Variants in SPEF2 observed in about 807,000 individuals in gnomAD.
SPEF2 encodes sperm flagellar and cilia associated 2, also known as sperm flagella and cilia-associated protein 2.
Under a neutral mutation model 224.6 loss-of-function variants are expected in SPEF2, and 187 were observed. That is an observed-to-expected ratio of 0.83 (90% confidence interval 0.74 to 0.94). The LOEUF (loss-of-function observed/expected upper bound fraction) is 0.94, where lower values mean the gene tolerates loss of function less well. Among genes scored for constraint, SPEF2 ranks in the 40% least tolerant of loss-of-function variants. The pLI is 0.00. For missense variants in SPEF2, 2,170 were observed against 2,135.6 expected, an observed-to-expected ratio of 1.02 and a Z score of -0.32; for synonymous variants, 715 against 707.3, an observed-to-expected ratio of 1.01 and a Z score of -0.17.
intron 1 of SPEF2, 46 bp from the exon 2 acceptor site, chr5:35,628,414 C>A (rs201579392): frequency 7.0e-6 from 9 of 1,288,280 alleles, no homozygotes; most frequent in African/African-American, 1.5e-5. Context: ...TAGCTCTATG[C>A]GCAACATTGT....
intron 10 of SPEF2, among the ~76,000 whole-genome samples, chr5:35,676,228 C>G (rs1370915565): frequency 4.6e-5 from 7 of 152,104 alleles, no homozygotes; most frequent in Non-Finnish European, 1.0e-4. Context: ...GAAGCCAGCC[C>G]TCTTCCAAGC....
At chr5:35,739,545 A>G (rs1479878043) in intron 21 of SPEF2, among the ~76,000 whole-genome samples, 1 of 152,048 alleles carries the variant, frequency 6.6e-6, no homozygotes, top group Admixed American at 6.6e-5. Context: ...ACACCTGGCT[A>G]ATTTTTTGTA....
chr5:35,793,166 A>G lies in SPEF2; in HGVS notation c.4562A>G (p.Glu1521Gly). The G allele has an allele frequency of 6.2e-7, 1 of 1,613,812 alleles. No homozygotes were observed. The highest frequency in any genetic ancestry group is 8.5e-7 in the Non-Finnish European group (1 of 1,179,848). ...WMHLTQPELQ[E>G]LTSLLTVNSE... ...TTTCCTGTTTTCTTCTAGTTACAGG[A>G]ATTAACATCTTTATTAACAGTCAAC... The change falls in exon 32 of 37, where the codon GAA (glutamate) becomes GGA (glycine). Residue 1521 changes from glutamate to glycine, a missense_variant. Coordinates refer to ENST00000356031, the MANE Select transcript of SPEF2 (RefSeq NM_024867.4).
Position 35,779,416 on chromosome 5 carries a change from C to T in SPEF2, c.4447+70C>T, listed in dbSNP as rs945408530. On this transcript the variant is annotated intron_variant, in intron 30 of 36. Coordinates refer to ENST00000356031, the MANE Select transcript of SPEF2 (RefSeq NM_024867.4). ...GATTAACCAGGACAGAAATCACTTG[C>T]CAACAAGTAAAATCAGCTCTATGGG... The T allele has an allele frequency of 1.2e-5, 15 of 1,204,624 alleles. No homozygotes were observed. The Admixed American group carries it at 2.9e-4, about 24-fold the overall frequency. The allele number at this position is 1,204,624 out of a possible 1,614,324, so 74.6% of individuals were successfully genotyped here.
chr5:35,704,863 G>GAA (rs956993105), intron 17 of SPEF2, among the ~76,000 whole-genome samples: 1 of 151,932 alleles, frequency 6.6e-6, no homozygotes, highest in Non-Finnish European at 1.5e-5. Context: ...TCATTAGTCT[G>GAA]AAAAAAAGAA....
chr5:35,776,298 G>A lies in SPEF2; in HGVS notation c.4120G>A (p.Ala1374Thr). Reference protein sequence around the residue: ...QFRLELIKTKALALLEDLVTK... With the variant: ...QFRLELIKTKTLALLEDLVTK... ...TCGACTTGAACTGATAAAGACAAAA[G>A]CATTGGCTCTTCTTGAAGATTTAGT... Residue 1374 changes from alanine to threonine, a missense_variant, in exon 29 of 37, where the codon GCA becomes ACA. Physicochemically the swap from Ala to Thr is moderately conservative, Grantham distance 58. Coordinates refer to ENST00000356031, the MANE Select transcript of SPEF2 (RefSeq NM_024867.4). 2.5e-6 allele frequency: 4 copies of A among 1,611,962 alleles called. No individual in the cohort carries two copies. The highest frequency in any genetic ancestry group is 3.4e-6 in the Non-Finnish European group (4 of 1,179,182).
At chr5:35,618,151 G>A in intron 1 of SPEF2, 96 bp downstream of exon 1, 2 of 1,361,396 alleles carry the variant, frequency 1.5e-6, no homozygotes, top group Non-Finnish European at 2.1e-6. Flanking sequence ...GGCGGGCAGG[G>A]CGCGAGCTGC....
chr5:35,749,107 G>A (rs1276398005), intron 23 of SPEF2, among the ~76,000 whole-genome samples: 2 of 151,762 alleles, frequency 1.3e-5, no homozygotes, highest in Non-Finnish European at 2.9e-5. Context: ...TGCAGAAAAA[G>A]ATGCATCAAT....
chr5:35,775,905 C>A (rs1753555397), intron 28 of SPEF2, among the ~76,000 whole-genome samples: 1 of 152,088 alleles, frequency 6.6e-6, no homozygotes, highest in African/African-American at 2.4e-5. Context: ...AATGGCAATG[C>A]CACCCCAGGT....
chr5:35,681,795 G>A (rs949448248), intron 10 of SPEF2, among the ~76,000 whole-genome samples: 3 of 152,096 alleles, frequency 2.0e-5, no homozygotes, highest in Admixed American at 6.6e-5. Context: ...AGTCAAAAAT[G>A]TTTGAAAGCC....
intron 23 of SPEF2, among the ~76,000 whole-genome samples, chr5:35,752,438 G>A (rs1395627127): frequency 6.6e-6 from 1 of 151,908 alleles, no homozygotes; most frequent in African/African-American, 2.4e-5. Context: ...ACAGACATGT[G>A]CCACCATGAA....
chr5:35,680,662 G>A (rs952144662), intron 10 of SPEF2, among the ~76,000 whole-genome samples: 3 of 152,134 alleles, frequency 2.0e-5, no homozygotes, highest in African/African-American at 4.8e-5. Flanking sequence ...GTGTGGATAC[G>A]AATAGGAGGT....
chr5:35,754,534 A>G (rs1339121638), intron 24 of SPEF2, among the ~76,000 whole-genome samples: 1 of 152,244 alleles, frequency 6.6e-6, no homozygotes, highest in African/African-American at 2.4e-5. Flanking sequence ...CTAGTCTCAC[A>G]CAAGAACTGG....
At chr5:35,709,969 A>G (rs1040978534) in intron 19 of SPEF2, 1 of 984,200 alleles carries the variant, frequency 1.0e-6, no homozygotes, top group Admixed American at 6.2e-5. Flanking sequence ...TTTCTGCCTC[A>G]CGGAGATTTG....
intron 20 of SPEF2, among the ~76,000 whole-genome samples, chr5:35,724,450 A>G (rs1415872033): frequency 1.3e-5 from 2 of 152,216 alleles, no homozygotes; most frequent in Non-Finnish European, 2.9e-5. Context: ...TCTTAAAATC[A>G]ATGAGCCAAG....
intron 30 of SPEF2, 40 bp from the exon 31 acceptor site, chr5:35,792,300 A>G: frequency 6.6e-7 from 1 of 1,520,966 alleles, no homozygotes; most frequent in African/African-American, 1.4e-5. Flanking sequence ...AAAAACCATC[A>G]CCTAAACCAA....
rs149236770 is a variant in SPEF2, at chr5:35,805,837, A to G, written c.5011-870A>G. On this transcript the variant is annotated intron_variant, in intron 34 of 36. Coordinates refer to ENST00000356031, the MANE Select transcript of SPEF2 (RefSeq NM_024867.4). ...TGTTTTCTGCTTGCTTTTTGCACTTATTCTATCATGAGTGTTTTCTTGTGT... is the reference window on the plus strand; with the variant it reads ...TGTTTTCTGCTTGCTTTTTGCACTTGTTCTATCATGAGTGTTTTCTTGTGT... 2.7e-3 allele frequency among the ~76,000 whole-genome samples: 418 copies of G among 152,156 alleles called. 2 individuals are homozygous for G. The highest frequency in any genetic ancestry group is 4.5e-3 in the Non-Finnish European group (307 of 68,006).
intron 24 of SPEF2, among the ~76,000 whole-genome samples, chr5:35,755,800 C>T (rs181429430): frequency 1.4e-3 from 219 of 152,100 alleles, no homozygotes; most frequent in African/African-American, 5.0e-3. Flanking sequence ...AGTAGAGACA[C>T]GGTTTCACCA....
intron 16 of SPEF2, among the ~76,000 whole-genome samples, chr5:35,701,340 G>A (rs1167538891): frequency 6.6e-6 from 1 of 152,138 alleles, no homozygotes; most frequent in Non-Finnish European, 1.5e-5. Flanking sequence ...GAAGGTATTT[G>A]ACCTTGAGAA....
Sources: gnomAD v4.1 joint callset for allele counts (sites outside exome capture counted in the v4.1 genomes callset) on GRCh38, gnomAD v4.1.1 for gene constraint, MANE v1.5 for transcripts, NCBI Gene and HGNC (gene_info 2026-07-23, HGNC 2026-07-21) for gene names.